Variants in SHROOM3 observed in about 807,000 individuals in gnomAD.
SHROOM3 encodes protein Shroom3.
SHROOM3 carries 47 observed loss-of-function variants against 138.6 expected under a neutral mutation model. The ratio of observed to expected loss-of-function variants is 0.34; its 90% CI spans 0.27 to 0.43. The LOEUF (loss-of-function observed/expected upper bound fraction) is 0.43, where lower values mean the gene tolerates loss of function less well. Ranked by LOEUF, SHROOM3 falls within the 20% of genes least tolerant of loss-of-function variation. The pLI, the probability that SHROOM3 is intolerant of heterozygous loss-of-function variation, is 1.00. For missense variants in SHROOM3, 2,491 were observed against 2,596.5 expected (o/e 0.96, Z 0.88); for synonymous variants, 1,062 against 1,063.3 (o/e 1.00, Z 0.02).
Position 76,778,346 on chromosome 4 carries a change from C to T in SHROOM3, c.5623-463C>T, listed in dbSNP as rs1722641204. On this transcript the variant is annotated intron_variant, in intron 10 of 10. Coordinates refer to ENST00000296043, the MANE Select transcript of SHROOM3 (RefSeq NM_020859.4). Reference sequence around the variant, plus strand: ...AAGCAATTCTCATGCCTCAGCCTCCCAAGTAGCTGGTATTACAGGCATGCA... The same window carrying T: ...AAGCAATTCTCATGCCTCAGCCTCCTAAGTAGCTGGTATTACAGGCATGCA... 2.0e-5 allele frequency among the ~76,000 whole-genome samples: 3 copies of T among 152,116 alleles called. No individual in the cohort carries two copies. In the South Asian group the frequency reaches 6.2e-4, roughly 32 times the overall value.
At chr4:76,561,864 G>A (rs1219337416) in intron 2 of SHROOM3, among the ~76,000 whole-genome samples, 1 of 151,628 alleles carries the variant, frequency 6.6e-6, no homozygotes, top group Non-Finnish European at 1.5e-5. Context: ...ACAAAAAATT[G>A]TCCAGGAGAG....
intron 1 of SHROOM3, among the ~76,000 whole-genome samples, chr4:76,471,489 A>G (rs11097365): frequency 0.99 from 151,431 of 152,220 alleles, 75,325 homozygotes; most frequent in Non-Finnish European, 1. Flanking sequence ...TGATCCACCC[A>G]CCTTGGCCTC....
chr4:76,775,916 C>T (rs974913089), intron 10 of SHROOM3, among the ~76,000 whole-genome samples: 3 of 151,554 alleles, frequency 2.0e-5, no homozygotes, highest in Admixed American at 6.6e-5. Flanking sequence ...TTTGCAGTTG[C>T]AAATTGTGCT....
intron 1 of SHROOM3, among the ~76,000 whole-genome samples, chr4:76,477,890 C>T (rs1731521742): frequency 6.6e-6 from 1 of 152,128 alleles, no homozygotes; most frequent in Admixed American, 6.5e-5. Context: ...AACTCCCTCC[C>T]CTAGCCAAGG....
At chr4:76,565,054 G>C (rs569020815) in intron 2 of SHROOM3, among the ~76,000 whole-genome samples, 1 of 151,750 alleles carries the variant, frequency 6.6e-6, no homozygotes, top group Admixed American at 6.6e-5. Flanking sequence ...CCAGCTATTA[G>C]GGAGGCTGAG....
chr4:76,518,948 CCTT>C (rs1732505393), intron 1 of SHROOM3, among the ~76,000 whole-genome samples: 1 of 152,144 alleles, frequency 6.6e-6, no homozygotes, highest in Non-Finnish European at 1.5e-5. Flanking sequence ...CTAGGAGTCT[CCTT>C]CTCCTAACAC....
At chr4:76,775,147 C>G (rs755748504) in intron 10 of SHROOM3, among the ~76,000 whole-genome samples, 4 of 152,112 alleles carry the variant, frequency 2.6e-5, no homozygotes, top group Non-Finnish European at 4.4e-5. Flanking sequence ...CCTTTGTATC[C>G]TTCTTATGCC....
At chr4:76,770,523 C>T (rs980806867) in intron 9 of SHROOM3, 103 bp from the exon 10 acceptor site, 6 of 1,379,270 alleles carry the variant, frequency 4.4e-6, no homozygotes, top group East Asian at 2.4e-5. Flanking sequence ...GGAGGATATT[C>T]AGCTGAGCCT....
chr4:76,444,933 C>CA (rs1730774303), intron 1 of SHROOM3, among the ~76,000 whole-genome samples: 1 of 150,722 alleles, frequency 6.6e-6, no homozygotes, highest in South Asian at 2.1e-4. Context: ...CCTGTCTCTA[C>CA]AAAAAATACA....
At chr4:76,680,026 C>G (rs1560589052) in intron 2 of SHROOM3, among the ~76,000 whole-genome samples, 1 of 152,204 alleles carries the variant, frequency 6.6e-6, no homozygotes, top group Non-Finnish European at 1.5e-5. Context: ...TAATTCACAT[C>G]AACCCTGTTG....
chr4:76,456,087 A>G (rs1240477014), intron 1 of SHROOM3, among the ~76,000 whole-genome samples: 1 of 152,092 alleles, frequency 6.6e-6, no homozygotes, highest in Non-Finnish European at 1.5e-5. Context: ...GCTCACTGCA[A>G]CCTCTGACTC....
intron 1 of SHROOM3, among the ~76,000 whole-genome samples, chr4:76,463,759 TCAGGGTAC>T (rs1731190496): frequency 2.0e-5 from 3 of 152,136 alleles, no homozygotes; most frequent in African/African-American, 7.2e-5. Context: ...CTAAATGGGG[TCAGGGTAC>T]AGCTCAGGCC....
At chr4:76,699,726 C>T (rs1013144581) in intron 2 of SHROOM3, among the ~76,000 whole-genome samples, 36 of 152,136 alleles carry the variant, frequency 2.4e-4, no homozygotes, top group African/African-American at 8.7e-4. Flanking sequence ...CAAGTAGCTC[C>T]TTTCCAAAGT....
intron 2 of SHROOM3, among the ~76,000 whole-genome samples, chr4:76,613,343 C>G (rs1431215031): frequency 1.3e-5 from 2 of 152,194 alleles, no homozygotes; most frequent in East Asian, 3.8e-4. Context: ...ACTCCACCTT[C>G]AATAATTGCT....
chr4:76,690,320 G>C (rs1422612035), intron 2 of SHROOM3, among the ~76,000 whole-genome samples: 2 of 152,182 alleles, frequency 1.3e-5, no homozygotes, highest in African/African-American at 4.8e-5. Flanking sequence ...AGCACTCTCT[G>C]GGGGTGGGAT....
intron 1 of SHROOM3, among the ~76,000 whole-genome samples, chr4:76,547,932 A>AACACACACACACACACAC (rs57089323): frequency 0.025 from 3,592 of 146,094 alleles, 60 homozygotes; most frequent in East Asian, 0.05. Context: ...CCTGTCTCAA[A>AACACACACACACACACAC]ACACACACAC....
Position 76,638,088 on chromosome 4 carries a change from C to T in SHROOM3, c.324-72068C>T, listed in dbSNP as rs74866886. On this transcript the variant is annotated intron_variant, in intron 2 of 10. Transcript: ENST00000296043. ...AGGTCAAAGAAAGCTTTTGCCAAAC[C>T]TGTTAGATGAGTCAACAGATAGAGA... Among the ~76,000 whole-genome samples, 306 of 152,260 alleles carry T rather than the reference C, an allele frequency of 2.0e-3. 4 individuals carry two copies. Among genetic ancestry groups the T allele is most frequent in the African/African-American group, 6.9e-3 (285 of 41,548 alleles).
chr4:76,593,584 A>G (rs1734320522), intron 2 of SHROOM3, among the ~76,000 whole-genome samples: 1 of 152,216 alleles, frequency 6.6e-6, no homozygotes, highest in Admixed American at 6.5e-5. Context: ...GTTGTAAATC[A>G]GTAATCTTTA....
At chr4:76,752,431 T>C (rs1279523245) in intron 6 of SHROOM3, among the ~76,000 whole-genome samples, 1 of 152,172 alleles carries the variant, frequency 6.6e-6, no homozygotes, top group African/African-American at 2.4e-5. Flanking sequence ...AGATGAAATT[T>C]TATGTTGTTT....
Sources: allele counts gnomAD v4.1 joint callset (sites outside exome capture counted in the v4.1 genomes callset), GRCh38; gene constraint gnomAD v4.1.1; transcripts MANE v1.5; gene names NCBI Gene and HGNC (gene_info 2026-07-23, HGNC 2026-07-21).